TDRD3: variants seen among roughly 807,000 people sequenced by gnomAD.
TDRD3 encodes the protein tudor domain containing 3.
Under a neutral mutation model 86.7 loss-of-function variants are expected in TDRD3, and 45 were observed. The ratio of observed to expected loss-of-function variants is 0.52; its 90% CI spans 0.41 to 0.67. The LOEUF (loss-of-function observed/expected upper bound fraction) is 0.67. TDRD3 is among the 30% of genes least tolerant of loss of function. The pLI is 0.00. For missense variants in TDRD3, 814 were observed against 889.0 expected (o/e 0.92, Z 1.07); for synonymous variants, 298 against 301.7 (o/e 0.99, Z 0.13).
At chr13:60,544,111 T>A (rs981627000) in intron 12 of TDRD3, among the ~76,000 whole-genome samples, 38 of 151,894 alleles carry the variant, frequency 2.5e-4, no homozygotes, top group Non-Finnish European at 5.3e-4. Flanking sequence ...TCCTTTTTTT[T>A]TAAATTTTTT....
rs1683331191 is a variant in TDRD3 at position 60,567,598 on chromosome 13, G to A, written c.2192G>A (p.Arg731Gln). Residue 731 changes from arginine to glutamine, a missense_variant, in exon 13 of 14, where the codon CGG (arginine) becomes CAG (glutamine). By Grantham distance (43) the Arg-to-Gln change is conservative. Coordinates refer to ENST00000377881, the MANE Select transcript of TDRD3 (RefSeq NM_001146070.2). ...GGDGQPRRST[R>Q]PTQQFYQPPR... ...GATGGCCAGCCAAGACGATCCACTC[G>A]GCCAACCCAACAGTTTTACCAACCA... The A allele has an allele frequency of 6.8e-6, 11 of 1,614,052 alleles. No individual in the cohort carries two copies. Among genetic ancestry groups the A allele is most frequent in the South Asian group, 3.3e-5 (3 of 91,074 alleles).
Position 60,439,738 on chromosome 13 carries a change from T to A in TDRD3, c.92T>A (p.Val31Asp). The part of the protein sequence containing the change: ...IEACTSSPDK[V>D]NVNDIILIAL... ...GCTTGCACAAGCTCTCCAGACAAAG[T>A]CAATGTAAATGACATCATCCTGATT... Residue 31 changes from valine (V) to aspartate (D), a missense_variant, in exon 2 of 14, where the codon GTC becomes GAC. Coordinates refer to ENST00000377881, the MANE Select transcript of TDRD3 (RefSeq NM_001146070.2). 1 of 1,544,822 alleles carries A rather than the reference T, an allele frequency of 6.5e-7. No homozygotes were observed. The highest frequency in any genetic ancestry group is 1.2e-5 in the South Asian group (1 of 81,668).
intron 3 of TDRD3, among the ~76,000 whole-genome samples, chr13:60,453,329 G>A (rs1484375905): frequency 3.3e-5 from 5 of 152,124 alleles, no homozygotes; most frequent in African/African-American, 1.2e-4. Context: ...AGGAAAACGA[G>A]TAACATGTAG....
chr13:60,504,277 A>C (rs1418398357), intron 8 of TDRD3, among the ~76,000 whole-genome samples: 3 of 152,196 alleles, frequency 2.0e-5, no homozygotes, highest in East Asian at 3.9e-4. Context: ...TCTCAAATAC[A>C]TGTTGCAATG....
chr13:60,457,515 G>A (rs946682568), intron 3 of TDRD3, among the ~76,000 whole-genome samples: 5 of 152,190 alleles, frequency 3.3e-5, no homozygotes, highest in African/African-American at 4.8e-5. Context: ...TCCCTAGCTA[G>A]GCTAGATCTC....
In TDRD3 at chr13:60,476,750, A is replaced by G. The variant is rs116956826; in HGVS notation, c.496-7025A>G. 5.1e-4 allele frequency among the ~76,000 whole-genome samples: 77 copies of G among 152,042 alleles called. 1 individual carries two copies. The East Asian group carries it at 0.015, about 29-fold the overall frequency. Reference sequence around the variant, plus strand: ...TGATTTCTTTGAGCAATGTTTTGTAATTCTCATTGTAGAGATCTTTCGCCT... The same window carrying G: ...TGATTTCTTTGAGCAATGTTTTGTAGTTCTCATTGTAGAGATCTTTCGCCT... On this transcript the variant is annotated intron_variant, in intron 5 of 13. Transcript: ENST00000377881.
chr13:60,494,147 A>G (rs1956662756), intron 7 of TDRD3, among the ~76,000 whole-genome samples: 2 of 152,198 alleles, frequency 1.3e-5, no homozygotes, highest in African/African-American at 4.8e-5. Context: ...AGTCTTCATA[A>G]TGCTTGTAGT....
At chr13:60,466,075 T>C (rs1347903825) in intron 4 of TDRD3, among the ~76,000 whole-genome samples, 1 of 152,218 alleles carries the variant, frequency 6.6e-6, no homozygotes, top group Non-Finnish European at 1.5e-5. Context: ...AGAAATGTTC[T>C]TTTAAAGTTA....
At chr13:60,484,325 C>T (rs1004294487) in intron 6 of TDRD3, among the ~76,000 whole-genome samples, 1 of 152,162 alleles carries the variant, frequency 6.6e-6, no homozygotes, top group African/African-American at 2.4e-5. Flanking sequence ...CTTCTCCAGC[C>T]TGCTCTTGCT....
chr13:60,496,296 TA>T (rs1956713931), intron 8 of TDRD3, among the ~76,000 whole-genome samples: 1 of 8,546 alleles, frequency 1.2e-4, no homozygotes, highest in East Asian at 2.5e-3. Flanking sequence ...CCCATATATA[TA>T]TATATATATA....
intron 1 of TDRD3, among the ~76,000 whole-genome samples, chr13:60,432,182 T>G (rs946193770): frequency 6.6e-6 from 1 of 152,124 alleles, no homozygotes; most frequent in African/African-American, 2.4e-5. Context: ...AGAATTCTGA[T>G]CCTTCTGTTT....
chr13:60,522,793 G>A (rs1465272483), intron 10 of TDRD3, among the ~76,000 whole-genome samples: 1 of 152,214 alleles, frequency 6.6e-6, no homozygotes, highest in African/African-American at 2.4e-5. Flanking sequence ...CAGGGATTGT[G>A]AAAGAGCCTT....
At chr13:60,489,028 T>C (rs1265160783) in intron 7 of TDRD3, among the ~76,000 whole-genome samples, 2 of 152,208 alleles carry the variant, frequency 1.3e-5, no homozygotes, top group African/African-American at 4.8e-5. Context: ...GTTGATTGAA[T>C]TCTTAGCTAT....
intron 3 of TDRD3, among the ~76,000 whole-genome samples, chr13:60,455,034 C>T (rs542028251): frequency 3.5e-4 from 54 of 152,238 alleles, no homozygotes; most frequent in African/African-American, 1.2e-3. Context: ...CTGCCTCAGC[C>T]TCCCAAGTAG....
intron 1 of TDRD3, among the ~76,000 whole-genome samples, chr13:60,439,126 A>G (rs1955193118): frequency 1.3e-5 from 2 of 152,256 alleles, no homozygotes; most frequent in South Asian, 2.1e-4. Flanking sequence ...AACTGAAAAG[A>G]GATAGGAAAA....
At chr13:60,437,121 CT>C (rs528500199) in intron 1 of TDRD3, among the ~76,000 whole-genome samples, 2,646 of 73,732 alleles carry the variant, frequency 0.036, 35 homozygotes, top group African/African-American at 0.12. Context: ...ATAAATTAAA[CT>C]TTTTTTTTTT....
At chr13:60,416,399 T>G (rs1954516835) in intron 1 of TDRD3, among the ~76,000 whole-genome samples, 1 of 152,238 alleles carries the variant, frequency 6.6e-6, no homozygotes, top group African/African-American at 2.4e-5. Flanking sequence ...TATGGTCAAC[T>G]ACTAATTCCA....
chr13:60,469,404 A>G (rs1434550594), intron 5 of TDRD3, among the ~76,000 whole-genome samples: 1 of 151,782 alleles, frequency 6.6e-6, no homozygotes, highest in Non-Finnish European at 1.5e-5. Context: ...AAACATTCCT[A>G]GTAACCTTCT....
In TDRD3 at chr13:60,512,658, G is replaced by A. The variant is rs113770740; in HGVS notation, c.1141+1903G>A. On this transcript the variant is annotated intron_variant, in intron 10 of 13. Transcript: ENST00000377881. Reference sequence around the variant, plus strand: ...GGGGCTACAGGCCCCATGCAAGTCCGAAATCCAGCATGTTAGTCAAATCTT... The same window carrying A: ...GGGGCTACAGGCCCCATGCAAGTCCAAAATCCAGCATGTTAGTCAAATCTT... Among the ~76,000 whole-genome samples, 456 of 152,176 alleles carry A rather than the reference G, an allele frequency of 3.0e-3. 2 individuals carry two copies. The highest frequency in any genetic ancestry group is 9.6e-3 in the African/African-American group (397 of 41,522).
Sources: gnomAD v4.1 joint callset for allele counts (sites outside exome capture counted in the v4.1 genomes callset) on GRCh38, gnomAD v4.1.1 for gene constraint, MANE v1.5 for transcripts, NCBI Gene and HGNC (gene_info 2026-07-23, HGNC 2026-07-21) for gene names.